Variants in PDZD8 observed in about 807,000 individuals in gnomAD.
PDZD8 encodes the protein PDZ domain-containing protein 8.
PDZD8 carries 14 observed loss-of-function variants against 85.8 expected under a neutral mutation model. That is an observed-to-expected ratio of 0.16 (90% CI 0.11 to 0.26). PDZD8 has a LOEUF of 0.26. Ranked by LOEUF, PDZD8 falls within the 10% of genes least tolerant of loss-of-function variation. The pLI is 1.00. For missense variants in PDZD8, 1,197 were observed against 1,424.3 expected, an observed-to-expected ratio of 0.84 and a Z score of 2.57; for synonymous variants, 592 against 568.6, an observed-to-expected ratio of 1.04 and a Z score of -0.59.
At position 117,282,160 on chromosome 10, in the gene PDZD8, G is replaced by C. The variant is rs1297641799; in HGVS notation, c.*1108C>G. 6.6e-6 allele frequency: 1 copy of C among 152,060 alleles called. No individual in the cohort carries two copies. The highest frequency in any genetic ancestry group is 1.5e-5 in the Non-Finnish European group (1 of 67,998). The allele number at this position is 152,060 out of a possible 1,614,324, so 9.4% of individuals were successfully genotyped here. On this transcript the variant is annotated 3_prime_UTR_variant, in exon 5 of 5. Transcript: ENST00000334464. ...GAATGATCACCATTCCTTTACAACT[G>C]TAAGACGCCAAAGCAAAAAGTATAT...
chr10:117,374,559 G>A lies in PDZD8; in HGVS notation c.669C>T (p.Ser223=), dbSNP rs1191247273. The A allele has an allele frequency of 6.2e-7, 1 of 1,601,572 alleles. No individual in the cohort carries two copies. Among genetic ancestry groups the A allele is most frequent in the Non-Finnish European group, 8.5e-7 (1 of 1,173,950 alleles). ...CCAAGCGCAGCCTTCCCACCACGCGGGACAGCTTGACAAACAAGTAGGCGG... is the reference window on the plus strand; with the variant it reads ...CCAAGCGCAGCCTTCCCACCACGCGAGACAGCTTGACAAACAAGTAGGCGG... ...GKSAYLFVKL[S]RVVGRLRLVF... is the part of the protein sequence containing the mutation. Residue 223 remains serine, a synonymous_variant, in exon 1 of 5, where the codon TCC becomes TCT. Coordinates refer to ENST00000334464, the MANE Select transcript of PDZD8 (RefSeq NM_173791.5). This position sits in a 1 kb window ranked among gnomAD's most constrained non-coding sequence, Gnocchi z 7.8.
At chr10:117,318,166 CT>C (rs1844162836) in intron 3 of PDZD8, among the ~76,000 whole-genome samples, 1 of 152,264 alleles carries the variant, frequency 6.6e-6, no homozygotes, top group Non-Finnish European at 1.5e-5. Context: ...TATTCACTAT[CT>C]GAAATTCAGA....
intron 1 of PDZD8, among the ~76,000 whole-genome samples, chr10:117,356,496 T>C (rs1272569131): frequency 6.6e-6 from 1 of 152,166 alleles, no homozygotes; most frequent in Non-Finnish European, 1.5e-5. Flanking sequence ...TAATTAGACC[T>C]GAGTCTAAAA....
chr10:117,316,969 CT>C (rs1333168995), intron 3 of PDZD8, among the ~76,000 whole-genome samples: 1 of 152,114 alleles, frequency 6.6e-6, no homozygotes, highest in African/African-American at 2.4e-5. Flanking sequence ...AGACCACACC[CT>C]TTTTCTTGAA....
intron 3 of PDZD8, among the ~76,000 whole-genome samples, chr10:117,301,937 T>C (rs1843855112): frequency 6.6e-6 from 1 of 152,132 alleles, no homozygotes; most frequent in Non-Finnish European, 1.5e-5. Flanking sequence ...AAGTAACATG[T>C]GGTTCAGTTT....
chr10:117,363,752 T>G (rs1845037058), intron 1 of PDZD8, among the ~76,000 whole-genome samples: 1 of 152,178 alleles, frequency 6.6e-6, no homozygotes. Context: ...ATCAAAGTTA[T>G]GCAAATCAAA....
rs757038057 is a variant in PDZD8, at chr10:117,290,302, C to A, written c.1145G>T (p.Arg382Leu). ...GNLQSVGLTL[R>L]LVQSTDGYAG... ...ATACCCATCAGTTGACTGGACAAGA[C>A]GAAGTGTAAGTCCAACACTTTGTAA... The change falls in exon 4 of 5, where the codon CGT (arginine) becomes CTT (leucine). Residue 382 changes from arginine to leucine, a missense_variant. By Grantham distance (102) the Arg-to-Leu change is moderately radical. Around this residue, in one of 4 missense-constraint regions of PDZD8, gnomAD observed 344 missense variants for 453.6 expected, o/e 0.76. Coordinates refer to ENST00000334464, the MANE Select transcript of PDZD8 (RefSeq NM_173791.5). 2 of 1,612,848 alleles carry A rather than the reference C, an allele frequency of 1.2e-6. No homozygotes were observed. Among genetic ancestry groups the A allele is most frequent in the Non-Finnish European group, 8.5e-7 (1 of 1,179,386 alleles).
At chr10:117,316,587 G>A (rs1844132871) in intron 3 of PDZD8, among the ~76,000 whole-genome samples, 2 of 152,198 alleles carry the variant, frequency 1.3e-5, no homozygotes, top group African/African-American at 4.8e-5. Context: ...GGAGGTGGAA[G>A]CTGAGGTGGG....
At chr10:117,329,460 C>T (rs546081482) in intron 2 of PDZD8, among the ~76,000 whole-genome samples, 9 of 152,014 alleles carry the variant, frequency 5.9e-5, no homozygotes, top group East Asian at 3.9e-4. Context: ...CCATTTATAC[C>T]GGAGGTTGAA....
In PDZD8 at chr10:117,358,378, T is replaced by C. The variant is rs558841947; in HGVS notation, c.872+15978A>G. 9.2e-5 allele frequency among the ~76,000 whole-genome samples: 14 copies of C among 152,244 alleles called. 1 individual carries two copies. The East Asian group carries it at 2.3e-3, about 25-fold the overall frequency. On this transcript the variant is annotated intron_variant, in intron 1 of 4. Transcript: ENST00000334464. ...ATTTATTAGGGTGGTGCAAACGTAATTGCGGGTTTTGCCATGTAAAAGTAA... is the reference window on the plus strand; with the variant it reads ...ATTTATTAGGGTGGTGCAAACGTAACTGCGGGTTTTGCCATGTAAAAGTAA...
At chr10:117,343,293 G>A (rs1023697587) in intron 1 of PDZD8, among the ~76,000 whole-genome samples, 2 of 152,132 alleles carry the variant, frequency 1.3e-5, no homozygotes, top group African/African-American at 4.8e-5. Context: ...GTTAAGTAGG[G>A]ACACAGGCGA....
chr10:117,371,878 AG>A (rs747219953), intron 1 of PDZD8, among the ~76,000 whole-genome samples: 23 of 152,184 alleles, frequency 1.5e-4, no homozygotes, highest in Non-Finnish European at 2.9e-4. Context: ...AGGAGGTCGA[AG>A]CTGCCGTGAG....
intron 3 of PDZD8, among the ~76,000 whole-genome samples, chr10:117,313,875 G>C (rs1844080150): frequency 2.0e-5 from 3 of 152,068 alleles, no homozygotes; most frequent in African/African-American, 4.8e-5. Context: ...TTAATCTTAG[G>C]CAAGTAAACA....
chr10:117,313,886 T>C (rs1450713209), intron 3 of PDZD8, among the ~76,000 whole-genome samples: 1 of 152,148 alleles, frequency 6.6e-6, no homozygotes, highest in Non-Finnish European at 1.5e-5. Flanking sequence ...CAAGTAAACA[T>C]GGCTGATCGT....
intron 3 of PDZD8, among the ~76,000 whole-genome samples, chr10:117,306,734 G>A (rs957964507): frequency 1.2e-4 from 18 of 151,708 alleles, no homozygotes; most frequent in African/African-American, 4.4e-4. Flanking sequence ...TTACAGAAAG[G>A]CTCCAAAACT....
intron 1 of PDZD8, among the ~76,000 whole-genome samples, chr10:117,369,829 C>A (rs76902317): frequency 0.04 from 6,129 of 152,254 alleles, 143 homozygotes; most frequent in East Asian, 0.067. Context: ...ACAGAAGCCA[C>A]AAATCCAAAA....
At position 117,284,150 on chromosome 10, in the gene PDZD8, A is replaced by G. The variant is rs373621746; in HGVS notation, c.2583T>C (p.Val861=). 1.5e-5 allele frequency: 24 copies of G among 1,614,150 alleles called. No individual in the cohort carries two copies. The highest frequency in any genetic ancestry group is 2.7e-5 in the African/African-American group (2 of 75,020). ...PTWCDYCKKK[V]WTKAASQCMF... is the part of the protein sequence containing the mutation. ...TACACTGGGAAGCTGCTTTAGTCCA[A>G]ACTTTTTTCTTACAGTAGTCACACC... Residue 861 remains valine (V), a synonymous_variant, in exon 5 of 5, where the codon GTT becomes GTC. Transcript: ENST00000334464.
At chr10:117,363,356 T>A (rs1845029834) in intron 1 of PDZD8, among the ~76,000 whole-genome samples, 1 of 152,152 alleles carries the variant, frequency 6.6e-6, no homozygotes. Flanking sequence ...GATGTCTCCA[T>A]GAAAGTTGTA....
At chr10:117,364,982 A>G (rs1239211963) in intron 1 of PDZD8, among the ~76,000 whole-genome samples, 2 of 152,092 alleles carry the variant, frequency 1.3e-5, no homozygotes, top group East Asian at 3.9e-4. Context: ...CTCAATATAT[A>G]TAAGAGGCTT....
Sources: allele counts gnomAD v4.1 joint callset (sites outside exome capture counted in the v4.1 genomes callset), GRCh38; gene constraint gnomAD v4.1.1; regional missense constraint gnomAD v4.1.1; non-coding constraint Gnocchi (gnomAD v3.1); transcripts MANE v1.5; gene names NCBI Gene and HGNC (gene_info 2026-07-23, HGNC 2026-07-21).